Variants in EVI5L observed in about 807,000 individuals in gnomAD.
The protein encoded by EVI5L is ecotropic viral integration site 5 like, also known as EVI5-like protein.
A neutral mutation model predicts 106.1 loss-of-function variants in EVI5L; 30 were observed. That is an observed-to-expected ratio of 0.28 (90% CI 0.21 to 0.38). The LOEUF is 0.38. Among genes scored for constraint, EVI5L ranks in the 10% least tolerant of loss-of-function variants. The pLI is 1.00. For missense variants in EVI5L, 809 were observed against 1,098.0 expected (o/e 0.74, Z 3.72); for synonymous variants, 489 against 483.3 (o/e 1.01, Z -0.15).
chr19:7,840,980 G>A (rs1372764526), intron 1 of EVI5L, among the ~76,000 whole-genome samples: 6 of 152,182 alleles, frequency 3.9e-5, no homozygotes, highest in African/African-American at 9.7e-5. Context: ...GCCAGGTGGC[G>A]TGGTGACAGT....
chr19:7,854,605 A>G (rs539133077), intron 10 of EVI5L, among the ~76,000 whole-genome samples: 6 of 152,314 alleles, frequency 3.9e-5, no homozygotes, highest in African/African-American at 1.4e-4. Flanking sequence ...CCCCGTCTTT[A>G]CAAAAATATA....
At chr19:7,834,245 AC>A (rs1978312689) in intron 1 of EVI5L, among the ~76,000 whole-genome samples, 1 of 152,152 alleles carries the variant, frequency 6.6e-6, no homozygotes, top group Non-Finnish European at 1.5e-5. Context: ...GCTCACTTGA[AC>A]CTGGGAGGCA....
chr19:7,847,616 G>A (rs1355819486), intron 2 of EVI5L, 116 bp from the exon 3 acceptor site: 2 of 1,022,966 alleles, frequency 2.0e-6, no homozygotes, highest in East Asian at 2.5e-5. Context: ...GAACAAGAGG[G>A]ACCTAATCCC....
At chr19:7,831,559 C>T (rs1978293510) in intron 1 of EVI5L, among the ~76,000 whole-genome samples, 1 of 152,210 alleles carries the variant, frequency 6.6e-6, no homozygotes, top group Non-Finnish European at 1.5e-5. Context: ...CAGCACCTAC[C>T]CCTGTGGGAA....
chr19:7,836,806 A>G (rs897315279), intron 1 of EVI5L, among the ~76,000 whole-genome samples: 1 of 151,662 alleles, frequency 6.6e-6, no homozygotes, highest in Non-Finnish European at 1.5e-5. Context: ...GTGTGTGTGT[A>G]TTTTTAATAG....
chr19:7,852,968 C>A, intron 8 of EVI5L, 118 bp from the exon 9 acceptor site: 1 of 896,256 alleles, frequency 1.1e-6, no homozygotes, highest in Non-Finnish European at 1.8e-6. Context: ...GCGTTGAGGA[C>A]ATGGCGACAC....
intron 17 of EVI5L, 79 bp downstream of exon 17, chr19:7,862,613 G>T: frequency 1.7e-6 from 2 of 1,163,432 alleles, no homozygotes; most frequent in Non-Finnish European, 2.2e-6. Flanking sequence ...CCCCCAATCC[G>T]CCTCTGCCGG....
At chr19:7,860,375 G>A (rs1168228958) in intron 13 of EVI5L, among the ~76,000 whole-genome samples, 186 bp from the exon 14 acceptor site, 1 of 152,162 alleles carries the variant, frequency 6.6e-6, no homozygotes, top group Middle Eastern at 3.2e-3. Flanking sequence ...GCTGGACCGG[G>A]CCAGCTGCAT....
intron 1 of EVI5L, among the ~76,000 whole-genome samples, chr19:7,833,431 G>A (rs548685853): frequency 3.8e-4 from 58 of 152,340 alleles, no homozygotes; most frequent in African/African-American, 1.4e-3. Context: ...ATTGCAGCAC[G>A]CGCCCTTGCC....
At chr19:7,853,626 CTA>C in intron 10 of EVI5L, 4 of 492,250 alleles carry the variant, frequency 8.1e-6, no homozygotes, top group African/African-American at 3.9e-5. Context: ...AGTGCGGACT[CTA>C]AATGCTCTGG....
Position 7,848,880 on chromosome 19 carries a change from TG to T in EVI5L, c.328-38del. On this transcript the variant is annotated intron_variant, in intron 3 of 19. Transcript: ENST00000538904. This position sits in a 1 kb window ranked among gnomAD's most constrained non-coding sequence, Gnocchi z 4.8. Reference sequence around the variant, plus strand: ...CTGGGTGGCCACGGGGAGGCTGCGCTGGGACCGAGTCCAGCCCCCGCTTCCC... The same window carrying T: ...CTGGGTGGCCACGGGGAGGCTGCGCTGGACCGAGTCCAGCCCCCGCTTCCC... 6.3e-7 allele frequency: 1 copy of T among 1,584,642 alleles called. No homozygotes were observed.
At position 7,847,865 on chromosome 19, in the gene EVI5L, G is replaced by A; in HGVS notation, c.271G>A (p.Gly91Ser). The change falls in exon 3 of 20, where the codon GGC (glycine) becomes AGC (serine). Residue 91 changes from glycine (G) to serine (S), a missense_variant. By Grantham distance (56) the Gly-to-Ser change is moderately conservative. Transcript: ENST00000538904. ...GGAGGAGGACACGTGGATCCTGTGG[G>A]GCCGGATCGCCAACGAGTGGGAGGA... ...HLEEDTWILW[G>S]RIANEWEEWR... The A allele has an allele frequency of 2.5e-6, 4 of 1,598,064 alleles. No homozygotes were observed. The highest frequency in any genetic ancestry group is 3.4e-6 in the Non-Finnish European group (4 of 1,172,254).
intron 1 of EVI5L, among the ~76,000 whole-genome samples, chr19:7,843,631 G>A (rs967571884): frequency 3.4e-5 from 5 of 147,170 alleles, no homozygotes; most frequent in African/African-American, 1.0e-4. Context: ...GAATAGGCAT[G>A]AGGGTGTGTG....
At chr19:7,834,071 G>A (rs11260035) in intron 1 of EVI5L, among the ~76,000 whole-genome samples, 32,779 of 152,200 alleles carry the variant, frequency 0.22, 4,483 homozygotes, top group South Asian at 0.33. Flanking sequence ...CTGAGGCCCG[G>A]CACGGTGGCT....
At position 7,857,984 on chromosome 19, in the gene EVI5L, C is replaced by G. The variant is rs1599577334; in HGVS notation, c.1234-207C>G. ...CAGGGCTAGCTCTGTTCCTCCCGGG[C>G]TCCTCCAGGTGTCCTATTCCTGCCT... On this transcript the variant is annotated intron_variant, in intron 12 of 19. Transcript: ENST00000538904. This position sits in a 1 kb window ranked among gnomAD's most constrained non-coding sequence, Gnocchi z 4.5. 1 of 585,416 alleles carries G rather than the reference C, an allele frequency of 1.7e-6. No individual in the cohort carries two copies. The highest frequency in any genetic ancestry group is 2.9e-5 in the East Asian group (1 of 34,278). The allele number at this position is 585,416 out of a possible 1,614,324, so 36.3% of individuals were successfully genotyped here. A position where few individuals can be genotyped will look rare whatever the true frequency, so the allele number is the denominator to read the frequency against.
chr19:7,863,735 C>T lies in EVI5L; in HGVS notation c.*33C>T, dbSNP rs556609739. Reference sequence around the variant, plus strand: ...CCCAGCGCGCCCGGAGTCAGGAGGCCGCAGCCGCGGGGGGCGCCCGGGCAG... The same window carrying T: ...CCCAGCGCGCCCGGAGTCAGGAGGCTGCAGCCGCGGGGGGCGCCCGGGCAG... On this transcript the variant is annotated 3_prime_UTR_variant, in exon 20 of 20. Coordinates refer to ENST00000538904, the MANE Select transcript of EVI5L (RefSeq NM_001159944.3). The surrounding 1 kb of genome is among the most constrained non-coding windows in gnomAD (Gnocchi z 7.7). 5.6e-6 allele frequency: 8 copies of T among 1,430,780 alleles called. No individual in the cohort carries two copies. In the East Asian group the frequency reaches 1.3e-4, roughly 24 times the overall value. 88.6% of individuals were successfully genotyped at this position (1,430,780 alleles called of 1,614,324 possible). A position where few individuals can be genotyped will look rare whatever the true frequency, so the allele number is the denominator to read the frequency against.
chr19:7,862,285 C>T lies in EVI5L; in HGVS notation c.1800+8C>T, dbSNP rs368436188. On this transcript the variant is annotated splice_region_variant and intron_variant, in intron 16 of 19. Coordinates refer to ENST00000538904, the MANE Select transcript of EVI5L (RefSeq NM_001159944.3). ...GTGGAACTTGAGACGCAGGTGGACTCGGGGGGCCTGCTCGTTGGGGAAGGG... is the reference window on the plus strand; with the variant it reads ...GTGGAACTTGAGACGCAGGTGGACTTGGGGGGCCTGCTCGTTGGGGAAGGG... 332 of 1,582,216 alleles carry T rather than the reference C, an allele frequency of 2.1e-4. 3 individuals are homozygous for T. The African/African-American group carries it at 4.1e-3, about 19-fold the overall frequency.
At chr19:7,838,048 G>A (rs1599559998) in intron 1 of EVI5L, among the ~76,000 whole-genome samples, 1 of 150,468 alleles carries the variant, frequency 6.6e-6, no homozygotes, top group Admixed American at 6.6e-5. Flanking sequence ...TGTGTAGAAT[G>A]TCCTCTAATA....
intron 1 of EVI5L, among the ~76,000 whole-genome samples, chr19:7,843,431 A>AT (rs1978782646): frequency 2.3e-5 from 1 of 43,302 alleles, no homozygotes; most frequent in African/African-American, 7.1e-5. Context: ...GGGTGTGTCG[A>AT]GAGTGTGTGT....
Sources: allele counts gnomAD v4.1 joint callset (sites outside exome capture counted in the v4.1 genomes callset), GRCh38; gene constraint gnomAD v4.1.1; non-coding constraint Gnocchi (gnomAD v3.1); transcripts MANE v1.5; gene names NCBI Gene and HGNC (gene_info 2026-07-23, HGNC 2026-07-21).